Variants in CNTNAP2 observed in about 807,000 individuals in gnomAD.
CNTNAP2 encodes the protein contactin-associated protein-like 2.
In CNTNAP2, 98 loss-of-function variants were observed where a neutral mutation model predicts 155.2. The observed-to-expected ratio is 0.63, with a 90% confidence interval of 0.54 to 0.75. The LOEUF (loss-of-function observed/expected upper bound fraction) is 0.75. Among genes scored for constraint, CNTNAP2 ranks in the 30% least tolerant of loss-of-function variants. CNTNAP2 has a pLI of 0.00. For missense variants in CNTNAP2, 1,727 were observed against 1,688.1 expected (o/e 1.02, Z -0.40); for synonymous variants, 651 against 631.2 (o/e 1.03, Z -0.47).
At chr7:147,136,801 T>C (rs1307677172) in intron 8 of CNTNAP2, among the ~76,000 whole-genome samples, 2 of 152,010 alleles carry the variant, frequency 1.3e-5, no homozygotes, top group Non-Finnish European at 2.9e-5. Flanking sequence ...AAGGTCTCAT[T>C]TGAAATACAA....
At chr7:148,165,125 T>G (rs1024105642) in intron 17 of CNTNAP2, among the ~76,000 whole-genome samples, 1 of 152,260 alleles carries the variant, frequency 6.6e-6, no homozygotes, top group East Asian at 1.9e-4. Flanking sequence ...TTCTCACAGT[T>G]CTAAAAGCTG....
intron 1 of CNTNAP2, among the ~76,000 whole-genome samples, chr7:146,691,353 C>T (rs931614968): frequency 2.0e-5 from 3 of 152,058 alleles, no homozygotes; most frequent in Admixed American, 6.6e-5. Context: ...GTTGAAAATG[C>T]GTTTAATACC....
At chr7:146,546,040 G>GCATTCAGA (rs1421394545) in intron 1 of CNTNAP2, among the ~76,000 whole-genome samples, 1 of 151,920 alleles carries the variant, frequency 6.6e-6, no homozygotes, top group African/African-American at 2.4e-5. Context: ...GGGGCTTGTG[G>GCATTCAGA]CATTCAGAGA....
intron 1 of CNTNAP2, among the ~76,000 whole-genome samples, chr7:146,749,800 T>C (rs1585072536): frequency 6.6e-6 from 1 of 152,188 alleles, no homozygotes; most frequent in East Asian, 1.9e-4. Context: ...ACCACCTCAA[T>C]ATTTGGAGGA....
chr7:147,119,772 G>A (rs1195032297), intron 5 of CNTNAP2, among the ~76,000 whole-genome samples: 1 of 151,874 alleles, frequency 6.6e-6, no homozygotes, highest in Non-Finnish European at 1.5e-5. Flanking sequence ...AGGAAAGAAA[G>A]AAAGAAGGAA....
chr7:146,662,550 A>AT (rs1487027140), intron 1 of CNTNAP2, among the ~76,000 whole-genome samples: 1 of 152,040 alleles, frequency 6.6e-6, no homozygotes. Flanking sequence ...TTTTGCAAAT[A>AT]TTTTCCCCAC....
intron 1 of CNTNAP2, among the ~76,000 whole-genome samples, chr7:146,622,750 A>T (rs1248870168): frequency 1.3e-5 from 2 of 152,080 alleles, no homozygotes; most frequent in Non-Finnish European, 2.9e-5. Context: ...TGAGGTCAGG[A>T]GTTCGAGACC....
chr7:148,310,788 C>CTCCTAGGTATCCAGCTAGGG (rs1458917417), intron 21 of CNTNAP2, among the ~76,000 whole-genome samples: 2 of 152,120 alleles, frequency 1.3e-5, no homozygotes, highest in Non-Finnish European at 2.9e-5. Flanking sequence ...TGTACCCAGA[C>CTCCTAGGTATCCAGCTAGGG]TCCTAGGTAT....
chr7:147,665,313 C>A (rs1030017208), intron 13 of CNTNAP2, among the ~76,000 whole-genome samples: 1 of 152,178 alleles, frequency 6.6e-6, no homozygotes, highest in Non-Finnish European at 1.5e-5. Context: ...AGTTCATTCT[C>A]ATTACTGTGT....
At chr7:146,352,597 G>T (rs1398278939) in intron 1 of CNTNAP2, among the ~76,000 whole-genome samples, 1 of 151,536 alleles carries the variant, frequency 6.6e-6, no homozygotes, top group African/African-American at 2.4e-5. Context: ...TCGGCCCATG[G>T]CTTACTCCTT....
At chr7:146,596,434 A>T (rs987765736) in intron 1 of CNTNAP2, among the ~76,000 whole-genome samples, 5 of 152,088 alleles carry the variant, frequency 3.3e-5, no homozygotes, top group Admixed American at 3.3e-4. Flanking sequence ...AAACATCGTG[A>T]TTAGAAGAGT....
At chr7:146,304,766 G>A (rs1358196886) in intron 1 of CNTNAP2, among the ~76,000 whole-genome samples, 2 of 151,898 alleles carry the variant, frequency 1.3e-5, no homozygotes, top group Non-Finnish European at 2.9e-5. Context: ...TGCTCTTCTC[G>A]AGGAGTATCT....
intron 3 of CNTNAP2, among the ~76,000 whole-genome samples, chr7:147,027,051 A>T (rs1306998518): frequency 6.6e-6 from 1 of 151,450 alleles, no homozygotes; most frequent in African/African-American, 2.4e-5. Flanking sequence ...TGCTTTGGAT[A>T]ACATTTTATG....
intron 1 of CNTNAP2, among the ~76,000 whole-genome samples, chr7:146,344,011 A>T (rs931584895): frequency 1.3e-5 from 2 of 152,300 alleles, no homozygotes; most frequent in Non-Finnish European, 2.9e-5. Flanking sequence ...CCCCTGTTTA[A>T]TCATAAAAAA....
intron 3 of CNTNAP2, among the ~76,000 whole-genome samples, chr7:146,869,325 A>G (rs1025814564): frequency 5.3e-5 from 8 of 152,140 alleles, no homozygotes; most frequent in African/African-American, 1.9e-4. Context: ...AATCACATGT[A>G]TTGACTTATC....
At chr7:147,328,694 G>A (rs1157398521) in intron 9 of CNTNAP2, among the ~76,000 whole-genome samples, 1 of 152,148 alleles carries the variant, frequency 6.6e-6, no homozygotes, top group Non-Finnish European at 1.5e-5. Flanking sequence ...AAGATCAAGA[G>A]GCTTTCACTG....
chr7:147,840,388 T>C (rs1460843115), intron 13 of CNTNAP2, among the ~76,000 whole-genome samples: 1 of 152,160 alleles, frequency 6.6e-6, no homozygotes, highest in Non-Finnish European at 1.5e-5. Flanking sequence ...TGCACCTTCT[T>C]CCCAGTTAAG....
At position 146,404,141 on chromosome 7, in the gene CNTNAP2, A is replaced by AAAAAAAAAAAAAAAC. The variant is rs1367526173; in HGVS notation, c.97+287169_97+287170insAAAAAAAAAAAAACA. Among the ~76,000 whole-genome samples the AAAAAAAAAAAAAAAC allele has an allele frequency of 5.6e-4, 82 of 147,482 alleles. 1 individual carries two copies. Among genetic ancestry groups the AAAAAAAAAAAAAAAC allele is most frequent in the African/African-American group, 2.1e-3 (78 of 37,814 alleles). ...CTCCGTCTCAAAAAAAAAAAAAAAA[A>AAAAAAAAAAAAAAAC]ACAAAGAACTTGGCCTCTTGGTTTT... On this transcript the variant is annotated intron_variant, in intron 1 of 23. Transcript: ENST00000361727.
intron 8 of CNTNAP2, among the ~76,000 whole-genome samples, chr7:147,294,091 A>G (rs1198033352): frequency 1.3e-5 from 2 of 152,200 alleles, no homozygotes; most frequent in Non-Finnish European, 2.9e-5. Flanking sequence ...GGTACATACC[A>G]CACCGGGTTC....
Sources: allele counts gnomAD v4.1 joint callset (sites outside exome capture counted in the v4.1 genomes callset), GRCh38; gene constraint gnomAD v4.1.1; transcripts MANE v1.5; gene names NCBI Gene and HGNC (gene_info 2026-07-23, HGNC 2026-07-21).